Variants in SYT16 observed in about 807,000 individuals in gnomAD.
SYT16 encodes the protein synaptotagmin 16.
In SYT16, 42 loss-of-function variants were observed where a neutral mutation model predicts 61.4. The ratio of observed to expected loss-of-function variants is 0.68; its 90% CI spans 0.53 to 0.89. SYT16 has a LOEUF of 0.89. Ranked by LOEUF, SYT16 falls within the 40% of genes least tolerant of loss-of-function variation. SYT16 has a pLI of 0.00. For synonymous variants in SYT16, 314 were observed against 302.3 expected, an observed-to-expected ratio of 1.04 and a Z score of -0.40; for missense variants, 804 against 807.3, an observed-to-expected ratio of 1.00 and a Z score of 0.05.
At chr14:62,038,197 G>A (rs1430235704) in intron 3 of SYT16, among the ~76,000 whole-genome samples, 16 of 151,590 alleles carry the variant, frequency 1.1e-4, no homozygotes, top group African/African-American at 3.6e-4. Flanking sequence ...GCTGCTGCTA[G>A]AGTGTGGTAT....
At chr14:61,946,114 CA>C (rs1182566405) in intron 1 of SYT16, among the ~76,000 whole-genome samples, 2 of 152,072 alleles carry the variant, frequency 1.3e-5, no homozygotes, top group African/African-American at 2.4e-5. Flanking sequence ...ATGTAGATGA[CA>C]GGTTGCTGGG....
chr14:62,047,520 G>C, intron 3 of SYT16, among the ~76,000 whole-genome samples: 1 of 152,142 alleles, frequency 6.6e-6, no homozygotes. Flanking sequence ...TGTTGAATAG[G>C]AGTGGTGAGA....
At chr14:61,950,343 G>A (rs1183166332) in intron 1 of SYT16, among the ~76,000 whole-genome samples, 1 of 152,152 alleles carries the variant, frequency 6.6e-6, no homozygotes, top group Non-Finnish European at 1.5e-5. Context: ...AGATGGGCCT[G>A]TAGTAGTTGT....
intron 1 of SYT16, among the ~76,000 whole-genome samples, chr14:61,947,005 G>A (rs952763672): frequency 2.6e-5 from 4 of 152,152 alleles, no homozygotes; most frequent in African/African-American, 4.8e-5. Flanking sequence ...AGCAGATGCC[G>A]ATGGTTGTCA....
At chr14:62,021,074 T>A (rs1350993887) in intron 3 of SYT16, among the ~76,000 whole-genome samples, 1 of 152,210 alleles carries the variant, frequency 6.6e-6, no homozygotes, top group African/African-American at 2.4e-5. Context: ...CATCTTGTAT[T>A]ATAATAATTA....
chr14:61,938,922 G>A lies in SYT16; in HGVS notation c.-324-31210G>A, dbSNP rs529033193. ...GGCCAAGGCGGGCGGATCACTTAAG[G>A]TCAGGAGCCCGAGACCAGCCTGGCC... On this transcript the variant is annotated intron_variant, in intron 1 of 7. Coordinates refer to ENST00000683842, the MANE Select transcript of SYT16 (RefSeq NM_001367656.1). 7.3e-4 allele frequency among the ~76,000 whole-genome samples: 111 copies of A among 152,292 alleles called. 1 individual carries two copies. The highest frequency in any genetic ancestry group is 1.4e-3 in the Non-Finnish European group (94 of 68,032).
At chr14:61,930,416 A>AC (rs2049717860) in intron 1 of SYT16, among the ~76,000 whole-genome samples, 2 of 152,032 alleles carry the variant, frequency 1.3e-5, no homozygotes, top group East Asian at 1.9e-4. Context: ...CCTGGCAGCT[A>AC]GGCTGCAAGT....
chr14:62,096,024 A>G (rs528123677), intron 7 of SYT16, among the ~76,000 whole-genome samples: 33 of 152,136 alleles, frequency 2.2e-4, no homozygotes, highest in African/African-American at 7.9e-4. Flanking sequence ...TATTTAATGA[A>G]TAATCCTTCC....
rs139269668 is a variant in SYT16, at chr14:61,849,366, T to G, written c.-325+36556T>G. Among the ~76,000 whole-genome samples, 32 of 152,280 alleles carry G rather than the reference T, an allele frequency of 2.1e-4. No individual in the cohort carries two copies. In the East Asian group the frequency reaches 6.2e-3, roughly 29 times the overall value. On this transcript the variant is annotated intron_variant, in intron 1 of 7. Coordinates refer to ENST00000683842, the MANE Select transcript of SYT16 (RefSeq NM_001367656.1). Reference sequence around the variant, plus strand: ...TGTGTCCCCCAAAATCCACTGGTTCTGAGCCCAGCACAGCATTAGGATTTG... The same window carrying G: ...TGTGTCCCCCAAAATCCACTGGTTCGGAGCCCAGCACAGCATTAGGATTTG...
chr14:61,928,355 A>G (rs1198946482), intron 1 of SYT16, among the ~76,000 whole-genome samples: 2 of 152,178 alleles, frequency 1.3e-5, no homozygotes, highest in African/African-American at 2.4e-5. Context: ...CTGAGGAACA[A>G]TTGGCAGGAA....
Position 62,081,095 on chromosome 14 carries a change from A to C in SYT16, c.1255A>C (p.Thr419Pro), listed in dbSNP as rs1405907883. ...GPNPVFREKV[T>P]FAKLEPRDVA... Reference sequence around the variant, plus strand: ...CAACCCCGTCTTCAGGGAGAAGGTCACCTTTGCCAAGCTGGAGCCCAGAGA... The same window carrying C: ...CAACCCCGTCTTCAGGGAGAAGGTCCCCTTTGCCAAGCTGGAGCCCAGAGA... The change falls in exon 6 of 8, where the codon ACC (threonine) becomes CCC (proline). Residue 419 changes from threonine (T) to proline (P), a missense_variant. Coordinates refer to ENST00000683842, the MANE Select transcript of SYT16 (RefSeq NM_001367656.1). The C allele has an allele frequency of 6.2e-7, 1 of 1,613,698 alleles. No homozygotes were observed. Among genetic ancestry groups the C allele is most frequent in the East Asian group, 2.2e-5 (1 of 44,896 alleles).
intron 1 of SYT16, among the ~76,000 whole-genome samples, chr14:61,862,035 A>G (rs1445751454): frequency 1.3e-5 from 2 of 152,206 alleles, no homozygotes; most frequent in East Asian, 3.8e-4. Flanking sequence ...AAAAAAACAC[A>G]CACAATATCT....
intron 3 of SYT16, among the ~76,000 whole-genome samples, chr14:62,015,150 A>G (rs1259049950): frequency 6.6e-6 from 1 of 152,182 alleles, no homozygotes; most frequent in African/African-American, 2.4e-5. Context: ...ACATTTCTCA[A>G]TAATATAGAT....
chr14:61,908,129 T>G (rs1465878173), intron 1 of SYT16, among the ~76,000 whole-genome samples: 1 of 152,274 alleles, frequency 6.6e-6, no homozygotes, highest in Admixed American at 6.5e-5. Context: ...GGCTGCTGTT[T>G]ACCTGTCTTT....
intron 1 of SYT16, among the ~76,000 whole-genome samples, chr14:61,871,966 T>A (rs1410677169): frequency 6.6e-6 from 1 of 152,162 alleles, no homozygotes; most frequent in Non-Finnish European, 1.5e-5. Flanking sequence ...TTATCTTCTT[T>A]AAGACTCATT....
chr14:62,065,594 G>A (rs2056028323), intron 3 of SYT16, among the ~76,000 whole-genome samples: 4 of 152,152 alleles, frequency 2.6e-5, no homozygotes, highest in Admixed American at 2.6e-4. Context: ...TAACTCATTT[G>A]AAATGGATGA....
intron 1 of SYT16, among the ~76,000 whole-genome samples, chr14:61,880,957 C>T (rs933107942): frequency 2.0e-5 from 3 of 152,068 alleles, no homozygotes; most frequent in African/African-American, 7.2e-5. Context: ...CAGGAAAGAG[C>T]ACACATCATA....
chr14:62,023,116 T>C (rs1276393361), intron 3 of SYT16, among the ~76,000 whole-genome samples: 2 of 152,280 alleles, frequency 1.3e-5, no homozygotes, highest in South Asian at 2.1e-4. Context: ...CTGCCAAACA[T>C]TGTGCATCAA....
intron 7 of SYT16, among the ~76,000 whole-genome samples, chr14:62,092,859 A>C (rs1306790561): frequency 6.6e-6 from 1 of 152,070 alleles, no homozygotes; most frequent in East Asian, 1.9e-4. Flanking sequence ...GTACACTTAA[A>C]TATGTTAAAA....
Sources: gnomAD v4.1 joint callset for allele counts (sites outside exome capture counted in the v4.1 genomes callset) on GRCh38, gnomAD v4.1.1 for gene constraint, MANE v1.5 for transcripts, NCBI Gene and HGNC (gene_info 2026-07-23, HGNC 2026-07-21) for gene names.